GPHN: variants seen among roughly 807,000 people sequenced by gnomAD.
GPHN encodes the protein gephyrin.
A neutral mutation model predicts 95.5 loss-of-function variants in GPHN; 17 were observed. That is an observed-to-expected ratio of 0.18 (90% CI 0.12 to 0.27). The LOEUF is 0.27. Among genes scored for constraint, GPHN ranks in the 10% least tolerant of loss-of-function variants. GPHN has a pLI of 1.00. For synonymous variants in GPHN, 320 were observed against 322.5 expected, an observed-to-expected ratio of 0.99 and a Z score of 0.08; for missense variants, 660 against 978.1, an observed-to-expected ratio of 0.67 and a Z score of 4.34.
chr14:67,382,282 A>T, the GPHN span: 2 of 492,884 alleles, frequency 4.1e-6, no homozygotes, highest in Non-Finnish European at 3.5e-6. Flanking sequence ...TCACCCCAAA[A>T]CGTAATTGCC....
chr14:66,969,586 G>C (rs1481055866), intron 9 of GPHN: 1 of 152,206 alleles, frequency 6.6e-6, no homozygotes, highest in African/African-American at 2.4e-5. Flanking sequence ...GATTGCTTGA[G>C]GACAGGAGTT....
chr14:67,386,502 T>C, the GPHN span: 1 of 152,202 alleles, frequency 6.6e-6, no homozygotes, highest in South Asian at 2.1e-4. Context: ...GTAATAAAAA[T>C]GTTCTTTAAA....
In GPHN at chr14:67,009,903, C is replaced by T. The variant is rs546536647; in HGVS notation, c.964-13730C>T. 4.6e-5 allele frequency among the ~76,000 whole-genome samples: 7 copies of T among 151,876 alleles called. No homozygotes were observed. The South Asian group carries it at 1.2e-3, about 27-fold the overall frequency. ...CCTCCCGAGTAGCTGAGATTATAGG[C>T]GCACACCACTGTATCTGGCTAATTT... On this transcript the variant is annotated intron_variant, in intron 9 of 22. Coordinates refer to ENST00000478722, the MANE Select transcript of GPHN (RefSeq NM_020806.5).
intron 1 of GPHN, among the ~76,000 whole-genome samples, chr14:66,647,159 G>GC (rs1322543001): frequency 6.6e-6 from 1 of 150,608 alleles, no homozygotes; most frequent in African/African-American, 2.4e-5. Flanking sequence ...TCCTGCCTTG[G>GC]CCCCCCAAAG....
At chr14:66,639,678 T>C (rs1271919645) in intron 1 of GPHN, among the ~76,000 whole-genome samples, 1 of 151,802 alleles carries the variant, frequency 6.6e-6, no homozygotes, top group Non-Finnish European at 1.5e-5. Flanking sequence ...GTTTGGCAAA[T>C]AAAAGGCAGA....
intron 4 of GPHN, among the ~76,000 whole-genome samples, chr14:66,852,387 G>T (rs1361703791): frequency 8.5e-5 from 13 of 152,236 alleles, no homozygotes; most frequent in African/African-American, 3.1e-4. Flanking sequence ...AAATGTGTGT[G>T]TGTGCGTGCG....
chr14:67,079,676 T>G (rs1361491284), intron 11 of GPHN, among the ~76,000 whole-genome samples: 1 of 152,060 alleles, frequency 6.6e-6, no homozygotes, highest in Admixed American at 6.6e-5. Context: ...CAGTGTTAAG[T>G]ATATTCATAT....
Position 67,088,992 on chromosome 14 carries a change from G to A in GPHN, c.1154G>A (p.Gly385Glu). Residue 385 changes from glycine (G) to glutamate (E), a missense_variant, in exon 12 of 23, where the codon GGG (glycine) becomes GAG (glutamate). By Grantham distance (98) the Gly-to-Glu change is moderately conservative. Transcript: ENST00000478722. ...TEIINYRDGMGRVLAQDVYAK... is the reference protein window; with the variant it reads ...TEIINYRDGMERVLAQDVYAK... ...TTTTCTCTTCCTTCAGATGGAATGGGGCGAGTCCTTGCTCAAGATGTATAT... is the reference window on the plus strand; with the variant it reads ...TTTTCTCTTCCTTCAGATGGAATGGAGCGAGTCCTTGCTCAAGATGTATAT... The A allele has an allele frequency of 6.3e-7, 1 of 1,588,456 alleles. No individual in the cohort carries two copies. Among genetic ancestry groups the A allele is most frequent in the Non-Finnish European group, 8.6e-7 (1 of 1,156,750 alleles).
At chr14:66,756,927 A>G (rs1278333823) in intron 2 of GPHN, among the ~76,000 whole-genome samples, 1 of 152,242 alleles carries the variant, frequency 6.6e-6, no homozygotes, top group African/African-American at 2.4e-5. Context: ...ATCCCTGACA[A>G]TTAATGAAGT....
chr14:67,700,183 G>T, the GPHN span, among the ~76,000 whole-genome samples: 1 of 152,002 alleles, frequency 6.6e-6, no homozygotes, highest in Non-Finnish European at 1.5e-5. Context: ...TGTGTCCAGA[G>T]TTATGAGTGT....
chr14:67,367,144 C>A, the GPHN span, among the ~76,000 whole-genome samples: 1 of 152,326 alleles, frequency 6.6e-6, no homozygotes, highest in African/African-American at 2.4e-5. Context: ...GGGGAAAAAT[C>A]TGAACAGATT....
chr14:66,599,392 A>ATTTTTTTTTTTTTTT (rs765267813), intron 1 of GPHN, among the ~76,000 whole-genome samples: 16 of 76,494 alleles, frequency 2.1e-4, no homozygotes, highest in African/African-American at 6.5e-4. Context: ...TTTTTTTTGC[A>ATTTTTTTTTTTTTTT]TTTTTTTTTT....
chr14:67,565,641 A>G, the GPHN span, among the ~76,000 whole-genome samples: 1 of 152,138 alleles, frequency 6.6e-6, no homozygotes, highest in African/African-American at 2.4e-5. Context: ...TCATGGGCAG[A>G]CATCCCCTCC....
At chr14:67,652,494 G>C in the GPHN span, 1 of 172,530 alleles carries the variant, frequency 5.8e-6, no homozygotes, top group East Asian at 1.4e-4. Context: ...AGATGCACTG[G>C]AATTCCATTC....
chr14:66,679,584 G>T (rs1390290319), intron 1 of GPHN, among the ~76,000 whole-genome samples: 4 of 152,076 alleles, frequency 2.6e-5, no homozygotes, highest in African/African-American at 4.8e-5. Context: ...TATTTGTGTT[G>T]AAGTGTTTAA....
chr14:67,695,928 C>CT, the GPHN span: 1 of 552,084 alleles, frequency 1.8e-6, no homozygotes, highest in African/African-American at 1.9e-5. Flanking sequence ...CCATCTAGGG[C>CT]TTAGGGCCTG....
At chr14:67,267,988 G>A in the GPHN span, among the ~76,000 whole-genome samples, 1 of 152,116 alleles carries the variant, frequency 6.6e-6, no homozygotes. Flanking sequence ...CCAGCTGAAG[G>A]ATAGTGTGTG....
At chr14:66,651,238 G>C (rs2065027889) in intron 1 of GPHN, among the ~76,000 whole-genome samples, 1 of 152,148 alleles carries the variant, frequency 6.6e-6, no homozygotes, top group African/African-American at 2.4e-5. Context: ...TTGCTTACTT[G>C]TGTGACCTAT....
At chr14:67,661,278 C>CA in the GPHN span, among the ~76,000 whole-genome samples, 28,433 of 56,304 alleles carry the variant, frequency 0.5, 7,832 homozygotes, top group Non-Finnish European at 0.61. Flanking sequence ...AGGGCTAGAG[C>CA]AAAAAAAAAA....
Sources: allele counts gnomAD v4.1 joint callset (sites outside exome capture counted in the v4.1 genomes callset), GRCh38; gene constraint gnomAD v4.1.1; transcripts MANE v1.5; gene names NCBI Gene and HGNC (gene_info 2026-07-23, HGNC 2026-07-21).